Variants in KALRN observed in about 807,000 individuals in gnomAD.
KALRN encodes the protein kalirin.
A neutral mutation model predicts 353.7 loss-of-function variants in KALRN; 70 were observed. The ratio of observed to expected loss-of-function variants is 0.20; its 90% CI spans 0.16 to 0.24. The LOEUF is 0.24. Among genes scored for constraint, KALRN ranks in the 10% least tolerant of loss-of-function variants. KALRN has a pLI of 1.00. For missense variants in KALRN, 2,791 were observed against 3,756.7 expected, an observed-to-expected ratio of 0.74 and a Z score of 6.72; for synonymous variants, 1,391 against 1,434.8, an observed-to-expected ratio of 0.97 and a Z score of 0.69.
intron 34 of KALRN, among the ~76,000 whole-genome samples, chr3:124,593,432 T>A (rs1241644155): frequency 6.6e-6 from 1 of 152,160 alleles, no homozygotes; most frequent in Non-Finnish European, 1.5e-5. Flanking sequence ...GCTCTAGCAG[T>A]CTGTGTTTTA....
At chr3:124,128,799 C>T (rs901598014) in intron 1 of KALRN, among the ~76,000 whole-genome samples, 4 of 152,094 alleles carry the variant, frequency 2.6e-5, no homozygotes, top group Non-Finnish European at 5.9e-5. Context: ...GCCTCCTTCT[C>T]AGATGCTCAC....
chr3:124,453,424 T>C (rs1346727770), intron 21 of KALRN, among the ~76,000 whole-genome samples: 3 of 152,142 alleles, frequency 2.0e-5, no homozygotes, highest in Admixed American at 1.3e-4. Context: ...CACTCTCAAC[T>C]CTCCTCTCTG....
Position 124,619,110 on chromosome 3 carries a change from A to G in KALRN, c.5183-13310A>G, listed in dbSNP as rs2078980576. Among the ~76,000 whole-genome samples, 3 of 138,410 alleles carry G rather than the reference A, an allele frequency of 2.2e-5. No homozygotes were observed. The Admixed American group carries it at 2.3e-4, about 10-fold the overall frequency. 90.8% of individuals were successfully genotyped at this position (138,410 alleles called of 152,430 possible). A position where few individuals can be genotyped will look rare whatever the true frequency, so the allele number is the denominator to read the frequency against. On this transcript the variant is annotated intron_variant, in intron 34 of 59. Transcript: ENST00000682506. The stretch of plus-strand genomic sequence containing the variant: ...CCTGGTAACCAGTGTTTTATTTTCC[A>G]TCACTGTATATTTGACTTTTTTTTT...
chr3:124,608,924 C>T (rs1373608739), intron 34 of KALRN, among the ~76,000 whole-genome samples: 2 of 152,146 alleles, frequency 1.3e-5, no homozygotes, highest in African/African-American at 2.4e-5. Context: ...TTACTGTACT[C>T]CTTTTCTTGA....
chr3:124,315,869 A>C (rs1482667753), intron 6 of KALRN, among the ~76,000 whole-genome samples: 3 of 152,168 alleles, frequency 2.0e-5, no homozygotes, highest in Non-Finnish European at 4.4e-5. Context: ...TTGAACTGTA[A>C]AGCAGAACAC....
In KALRN at chr3:124,617,325, C is replaced by A. The variant is rs186854020; in HGVS notation, c.5183-15095C>A. ...CTCCAGCCTGGGTGACAGAGTGAGACCCTGTCTCACACAAATGAACAAAGA... is the reference window on the plus strand; with the variant it reads ...CTCCAGCCTGGGTGACAGAGTGAGAACCTGTCTCACACAAATGAACAAAGA... On this transcript the variant is annotated intron_variant, in intron 34 of 59. Transcript: ENST00000682506. Among the ~76,000 whole-genome samples the A allele has an allele frequency of 1.6e-4, 24 of 152,224 alleles. No individual in the cohort carries two copies. In the East Asian group the frequency reaches 3.5e-3, roughly 22 times the overall value.
At chr3:124,378,983 T>C (rs1266069856) in intron 10 of KALRN, among the ~76,000 whole-genome samples, 4 of 152,090 alleles carry the variant, frequency 2.6e-5, no homozygotes, top group Non-Finnish European at 5.9e-5. Flanking sequence ...TTGGTCATTA[T>C]ATCTTTAGGT....
chr3:124,338,293 G>C (rs1165386923), intron 9 of KALRN, among the ~76,000 whole-genome samples: 1 of 152,136 alleles, frequency 6.6e-6, no homozygotes, highest in African/African-American at 2.4e-5. Flanking sequence ...ATTTCCATCT[G>C]AACACTGCTT....
intron 1 of KALRN, among the ~76,000 whole-genome samples, chr3:124,112,573 A>C (rs940748626): frequency 3.9e-5 from 6 of 152,152 alleles, no homozygotes; most frequent in African/African-American, 1.4e-4. Context: ...GCACCACTGG[A>C]GTATCTAATG....
At position 124,693,705 on chromosome 3, in the gene KALRN, C is replaced by A. The variant is rs149782715; in HGVS notation, c.7378-99C>A. 1.3e-3 allele frequency: 940 copies of A among 748,046 alleles called. 3 individuals are homozygous for A. In the African/African-American group the frequency reaches 0.015, roughly 12 times the overall value. The allele number at this position is 748,046 out of a possible 1,614,324, so 46.3% of individuals were successfully genotyped here. ...GAAGTTGGGCTCCAGGCCTCATCTC[C>A]CTAAATTGTACTTTCTTTTTACTCA... On this transcript the variant is annotated intron_variant, in intron 51 of 59. Coordinates refer to ENST00000682506, the MANE Select transcript of KALRN (RefSeq NM_001388419.1).
In KALRN at chr3:124,420,517, C is replaced by A. The variant is rs140170017; in HGVS notation, c.2543-2295C>A. On this transcript the variant is annotated intron_variant, in intron 14 of 59. Transcript: ENST00000682506. Reference sequence around the variant, plus strand: ...TTGCAGAGGTAGAAATTTTTGTATTCTTACTTTTGATTTCAGTCAAGGAGG... The same window carrying A: ...TTGCAGAGGTAGAAATTTTTGTATTATTACTTTTGATTTCAGTCAAGGAGG... Among the ~76,000 whole-genome samples the A allele has an allele frequency of 7.4e-3, 1,120 of 152,268 alleles. 46 individuals are homozygous for A. Among genetic ancestry groups the A allele is most frequent in the Admixed American group, 0.063 (960 of 15,284 alleles).
chr3:124,461,634 G>A (rs970826474), intron 23 of KALRN, among the ~76,000 whole-genome samples: 1 of 152,048 alleles, frequency 6.6e-6, no homozygotes, highest in Non-Finnish European at 1.5e-5. Flanking sequence ...GGTGGAAAAG[G>A]GAGAGAGAAT....
intron 1 of KALRN, among the ~76,000 whole-genome samples, chr3:124,188,166 G>A (rs971126235): frequency 3.9e-5 from 6 of 152,132 alleles, no homozygotes; most frequent in East Asian, 1.9e-4. Flanking sequence ...TTAAACGTAC[G>A]CAAGAATCAC....
chr3:124,410,099 T>G (rs983369935), intron 13 of KALRN: 8 of 444,914 alleles, frequency 1.8e-5, no homozygotes, highest in South Asian at 1.3e-4. Flanking sequence ...AGGTACAGAA[T>G]CCTGGACATA....
At chr3:124,058,013 C>T (rs963506965) in intron 1 of KALRN, among the ~76,000 whole-genome samples, 4 of 152,128 alleles carry the variant, frequency 2.6e-5, no homozygotes, top group African/African-American at 7.2e-5. Context: ...GAGCAAGTCA[C>T]CTCTTACATG....
At chr3:124,396,404 C>T (rs889940428) in intron 12 of KALRN, among the ~76,000 whole-genome samples, 8 of 152,204 alleles carry the variant, frequency 5.3e-5, no homozygotes, top group Non-Finnish European at 8.8e-5. Flanking sequence ...TGCATGCTAA[C>T]AAGACAGCCT....
chr3:124,592,858 A>C (rs2075938867), intron 34 of KALRN, among the ~76,000 whole-genome samples: 1 of 152,260 alleles, frequency 6.6e-6, no homozygotes, highest in Non-Finnish European at 1.5e-5. Context: ...GCTGCCAGGC[A>C]GCTTTTGCCA....
At chr3:124,139,756 A>G (rs1447904328) in intron 1 of KALRN, among the ~76,000 whole-genome samples, 11 of 152,200 alleles carry the variant, frequency 7.2e-5, no homozygotes, top group Admixed American at 5.9e-4. Flanking sequence ...TGAGGAGATC[A>G]TGGTCATCTT....
intron 5 of KALRN, among the ~76,000 whole-genome samples, chr3:124,277,998 G>A (rs1242364427): frequency 2.8e-5 from 4 of 143,450 alleles, no homozygotes; most frequent in African/African-American, 1.0e-4. Context: ...GATGAACTAT[G>A]TGTGTGTGTG....
Sources: gnomAD v4.1 joint callset for allele counts (sites outside exome capture counted in the v4.1 genomes callset) on GRCh38, gnomAD v4.1.1 for gene constraint, MANE v1.5 for transcripts, NCBI Gene and HGNC (gene_info 2026-07-23, HGNC 2026-07-21) for gene names.